SESN3: variants seen among roughly 807,000 people sequenced by gnomAD.
The protein encoded by SESN3 is sestrin 3, also known as sestrin-3.
A neutral mutation model predicts 55.3 loss-of-function variants in SESN3; 21 were observed. The ratio of observed to expected loss-of-function variants is 0.38; its 90% confidence interval spans 0.27 to 0.55. The LOEUF is 0.55. Ranked by LOEUF, SESN3 falls within the 20% of genes least tolerant of loss-of-function variation. The probability of loss-of-function intolerance (pLI) is 0.76; values close to 1 mark genes in which losing one functional copy is unlikely to be tolerated. For missense variants in SESN3, 408 were observed against 604.3 expected, an observed-to-expected ratio of 0.68 and a Z score of 3.41; for synonymous variants, 181 against 203.1, an observed-to-expected ratio of 0.89 and a Z score of 0.93.
At chr11:95,209,799 C>A (rs1367014691) in intron 1 of SESN3, among the ~76,000 whole-genome samples, 1 of 150,456 alleles carries the variant, frequency 6.6e-6, no homozygotes, top group Non-Finnish European at 1.5e-5. Flanking sequence ...GGTGGATCTC[C>A]TGAGGTTAGA....
Position 95,168,047 on chromosome 11 carries a change from C to A in SESN3, c.*5208G>T, listed in dbSNP as rs1359247758. On this transcript the variant is annotated 3_prime_UTR_variant, in exon 10 of 10. Coordinates refer to ENST00000536441, the MANE Select transcript of SESN3 (RefSeq NM_144665.4). ...AAAGCCTGGTTAAACCCTTATGTAC[C>A]CAATTTTGTGTTATTTTATCTATAT... The A allele has an allele frequency of 6.6e-6, 1 of 152,042 alleles. No homozygotes were observed. Among genetic ancestry groups the A allele is most frequent in the Non-Finnish European group, 1.5e-5 (1 of 68,010 alleles). 9.4% of individuals were successfully genotyped at this position (152,042 alleles called of 1,614,324 possible). A position where few individuals can be genotyped will look rare whatever the true frequency, so the allele number is the denominator to read the frequency against.
chr11:95,218,934 GAGCC>G (rs1860810927), intron 1 of SESN3, among the ~76,000 whole-genome samples: 1 of 152,214 alleles, frequency 6.6e-6, no homozygotes, highest in African/African-American at 2.4e-5. Context: ...TTACAGGCGT[GAGCC>G]GCCGCACCCG....
At chr11:95,204,258 T>A (rs2134247855) in intron 1 of SESN3, among the ~76,000 whole-genome samples, 1 of 152,248 alleles carries the variant, frequency 6.6e-6, no homozygotes, top group East Asian at 1.9e-4. Flanking sequence ...CTTGAAATTT[T>A]TATAATTTTT....
intron 1 of SESN3, among the ~76,000 whole-genome samples, chr11:95,208,445 A>T (rs1303563647): frequency 2.6e-5 from 4 of 151,534 alleles, no homozygotes; most frequent in Non-Finnish European, 5.9e-5. Flanking sequence ...CTAAAAGAAG[A>T]GCTGCATGAT....
rs1859817323 is a variant in SESN3 at position 95,169,851 on chromosome 11, A to G, written c.*3404T>C. 6.6e-6 allele frequency: 1 copy of G among 152,182 alleles called. No individual in the cohort carries two copies. The highest frequency in any genetic ancestry group is 2.4e-5 in the African/African-American group (1 of 41,446). The allele number at this position is 152,182 out of a possible 1,614,324, so 9.4% of individuals were successfully genotyped here. The stretch of plus-strand genomic sequence containing the variant: ...TAATTAGCTTTTAGAAGCATTTAAG[A>G]TCTTTAGGAGACATTATAACAACTA... On this transcript the variant is annotated 3_prime_UTR_variant, in exon 10 of 10. Coordinates refer to ENST00000536441, the MANE Select transcript of SESN3 (RefSeq NM_144665.4).
At position 95,178,785 on chromosome 11, in the gene SESN3, A is replaced by G; in HGVS notation, c.981T>C (p.Tyr327=). The G allele has an allele frequency of 6.2e-7, 1 of 1,611,726 alleles. No individual in the cohort carries two copies. The highest frequency in any genetic ancestry group is 2.2e-5 in the East Asian group (1 of 44,826). ...CATACCCAAAACCAGGGTCTTCAAT[A>G]TATCGAGAGACATCAGATGTTATAA... ...DMIITSDVSR[Y]IEDPGFGYED... The change falls in exon 7 of 10, where the codon TAT becomes TAC. Residue 327 remains tyrosine (Y), a synonymous_variant. Transcript: ENST00000536441.
At chr11:95,191,306 C>T in intron 3 of SESN3, 98 bp downstream of exon 3, 1 of 909,000 alleles carries the variant, frequency 1.1e-6, no homozygotes, top group South Asian at 1.5e-5. Flanking sequence ...ATAAATTATA[C>T]TTAGCTCTAT....
At chr11:95,192,290 A>G (rs1295524853) in intron 2 of SESN3, among the ~76,000 whole-genome samples, 1 of 152,094 alleles carries the variant, frequency 6.6e-6, no homozygotes, top group Non-Finnish European at 1.5e-5. Context: ...AGCTTCACAC[A>G]CAATGACAGT....
rs565589107 is a variant in SESN3, at chr11:95,177,862, A to G, written c.1104T>C (p.Tyr368=). The part of the protein sequence containing the change: ...NHGFSLVNRL[Y]SDIGHLLDEK... ...CATCAAGAAGATGTCCAATGTCAGA[A>G]TAAAGTCTGTTCACCAGGGAGAACC... Residue 368 remains tyrosine, a synonymous_variant, in exon 8 of 10, where the codon TAT becomes TAC. Coordinates refer to ENST00000536441, the MANE Select transcript of SESN3 (RefSeq NM_144665.4). The G allele has an allele frequency of 4.1e-5, 65 of 1,604,850 alleles. 1 individual carries two copies. The South Asian group carries it at 6.3e-4, about 15-fold the overall frequency.
Position 95,178,792 on chromosome 11 carries a change from G to T in SESN3, c.974C>A (p.Ser325Tyr). 1 of 1,610,170 alleles carries T rather than the reference G, an allele frequency of 6.2e-7. No homozygotes were observed. ...EDDMIITSDV[S>Y]RYIEDPGFGY... ...AAAACCAGGGTCTTCAATATATCGA[G>T]AGACATCAGATGTTATAATCATGTC... The change falls in exon 7 of 10, where the codon TCT becomes TAT. Residue 325 changes from serine to tyrosine, a missense_variant. Physicochemically the swap from Ser to Tyr is moderately radical, Grantham distance 144 (BLOSUM62 -2). This residue lies in a region of SESN3 where 119 missense variants were observed against 139.9 expected (regional missense o/e 0.85). Transcript: ENST00000536441.
intron 4 of SESN3, among the ~76,000 whole-genome samples, chr11:95,186,397 C>T (rs1860168009): frequency 6.6e-6 from 1 of 151,514 alleles, no homozygotes; most frequent in Non-Finnish European, 1.5e-5. Flanking sequence ...AACTACACAC[C>T]ATATATAATT....
intron 6 of SESN3, 22 bp downstream of exon 6, chr11:95,184,398 G>C: frequency 6.2e-7 from 1 of 1,611,400 alleles, no homozygotes; most frequent in Non-Finnish European, 8.5e-7. Context: ...CAACTAAAAG[G>C]CAAAAAAGTG....
At chr11:95,183,589 A>G (rs1410981980) in intron 6 of SESN3, among the ~76,000 whole-genome samples, 1 of 151,616 alleles carries the variant, frequency 6.6e-6, no homozygotes, top group Non-Finnish European at 1.5e-5. Flanking sequence ...GGCTGAGACA[A>G]GAGAACCGCT....
intron 1 of SESN3, among the ~76,000 whole-genome samples, chr11:95,225,754 G>A (rs1211029149): frequency 1.3e-5 from 2 of 152,118 alleles, no homozygotes; most frequent in Non-Finnish European, 2.9e-5. Flanking sequence ...AAAGGCTGAA[G>A]AGATGGGGAG....
intron 6 of SESN3, among the ~76,000 whole-genome samples, chr11:95,181,447 T>C (rs1237383347): frequency 1.3e-5 from 2 of 152,104 alleles, no homozygotes; most frequent in East Asian, 3.8e-4. Context: ...AAAATTAGCA[T>C]TCTGATTATT....
At chr11:95,194,307 C>G (rs1860321190) in intron 1 of SESN3, among the ~76,000 whole-genome samples, 1 of 151,964 alleles carries the variant, frequency 6.6e-6, no homozygotes, top group African/African-American at 2.4e-5. Flanking sequence ...TTTTTTGGTC[C>G]TTACAATCAA....
At chr11:95,219,689 AAC>A (rs1240774900) in intron 1 of SESN3, among the ~76,000 whole-genome samples, 1 of 152,194 alleles carries the variant, frequency 6.6e-6, no homozygotes, top group African/African-American at 2.4e-5. Context: ...GAACTTCATT[AAC>A]ACAGTTTTCC....
At chr11:95,189,239 C>G (rs1860221811) in intron 4 of SESN3, among the ~76,000 whole-genome samples, 2 of 151,908 alleles carry the variant, frequency 1.3e-5, no homozygotes, top group Admixed American at 6.6e-5. Flanking sequence ...TACAAGTGCT[C>G]TTAGTCAATC....
At chr11:95,218,988 A>G (rs1700085469) in intron 1 of SESN3, among the ~76,000 whole-genome samples, 1 of 152,196 alleles carries the variant, frequency 6.6e-6, no homozygotes, top group African/African-American at 2.4e-5. Context: ...CAAATACTAA[A>G]TAGGTTTCTT....
Sources: gnomAD v4.1 joint callset for allele counts (sites outside exome capture counted in the v4.1 genomes callset) on GRCh38, gnomAD v4.1.1 for gene constraint, gnomAD v4.1.1 regional missense constraint, MANE v1.5 for transcripts, NCBI Gene and HGNC (gene_info 2026-07-23, HGNC 2026-07-21) for gene names.